CCDC192: variants seen among roughly 807,000 people sequenced by gnomAD.
The protein encoded by CCDC192 is coiled-coil domain containing 192, also known as coiled-coil domain-containing protein 192.
chr5:127,813,049 G>A (rs1758168090), intron 5 of CCDC192, among the ~76,000 whole-genome samples: 1 of 152,136 alleles, frequency 6.6e-6, no homozygotes, highest in South Asian at 2.1e-4. Context: ...CCGTTTCTTT[G>A]ACATCCATTT....
chr5:127,773,679 G>C lies in CCDC192; in HGVS notation c.222+19304G>C, dbSNP rs904818120. On this transcript the variant is annotated intron_variant, in intron 3 of 6. Coordinates refer to ENST00000514853, the MANE Select transcript of CCDC192 (RefSeq NM_001317938.2). The stretch of plus-strand genomic sequence containing the variant: ...ATGCAATTTGTTTATCCACTCATCT[G>C]TTGATGGACATTTGGTTTCCAACTT... Among the ~76,000 whole-genome samples the C allele has an allele frequency of 3.9e-5, 6 of 152,136 alleles. 1 individual carries two copies. Among genetic ancestry groups the C allele is most frequent in the African/African-American group, 1.4e-4 (6 of 41,434 alleles).
intron 6 of CCDC192, among the ~76,000 whole-genome samples, chr5:127,889,482 A>T (rs1228730237): frequency 6.6e-6 from 1 of 150,804 alleles, no homozygotes; most frequent in African/African-American, 2.4e-5. Context: ...GCTCACTGCA[A>T]CCTCTGCCTG....
At chr5:127,733,201 A>G (rs928058923) in intron 2 of CCDC192, among the ~76,000 whole-genome samples, 9 of 152,152 alleles carry the variant, frequency 5.9e-5, no homozygotes, top group African/African-American at 2.2e-4. Context: ...GTATATTCAC[A>G]TAAAGCCAAG....
chr5:127,870,869 G>A (rs1158294254), intron 5 of CCDC192, among the ~76,000 whole-genome samples: 1 of 152,174 alleles, frequency 6.6e-6, no homozygotes, highest in African/African-American at 2.4e-5. Context: ...ATTATTGATT[G>A]GCTATTAGAA....
chr5:127,775,967 C>A (rs545803947), intron 3 of CCDC192, among the ~76,000 whole-genome samples: 2 of 152,296 alleles, frequency 1.3e-5, no homozygotes, highest in South Asian at 4.1e-4. Context: ...AACCTCTTTT[C>A]TTCATAAATT....
At chr5:127,873,880 A>G (rs1324997201) in intron 5 of CCDC192, among the ~76,000 whole-genome samples, 2 of 152,188 alleles carry the variant, frequency 1.3e-5, no homozygotes, top group African/African-American at 2.4e-5. Flanking sequence ...TAAAATGCCA[A>G]CTTAATAATT....
chr5:127,840,788 C>T (rs905653259), intron 5 of CCDC192, among the ~76,000 whole-genome samples: 2 of 152,126 alleles, frequency 1.3e-5, no homozygotes, highest in African/African-American at 2.4e-5. Flanking sequence ...AAAAGCAATA[C>T]GTTTCATCAT....
At chr5:127,899,140 C>A (rs1011640442) in intron 6 of CCDC192, among the ~76,000 whole-genome samples, 4 of 152,164 alleles carry the variant, frequency 2.6e-5, no homozygotes, top group South Asian at 2.1e-4. Flanking sequence ...TTAGGAATTA[C>A]ATCTTTATTT....
intron 6 of CCDC192, among the ~76,000 whole-genome samples, chr5:127,896,022 G>A (rs1371699107): frequency 1.3e-5 from 2 of 152,136 alleles, no homozygotes; most frequent in Non-Finnish European, 2.9e-5. Context: ...CCACTTGGTG[G>A]AATTTAAGTC....
chr5:127,801,994 A>C (rs746083906), intron 5 of CCDC192, among the ~76,000 whole-genome samples: 11 of 152,144 alleles, frequency 7.2e-5, no homozygotes, highest in Non-Finnish European at 1.5e-5. Context: ...GCTGTTTGTG[A>C]CTGGCTGAAA....
chr5:127,712,807 C>T (rs1358548419), intron 2 of CCDC192, among the ~76,000 whole-genome samples: 1 of 152,126 alleles, frequency 6.6e-6, no homozygotes, highest in African/African-American at 2.4e-5. Context: ...GGTAGGTGTA[C>T]TTTTAACTTT....
At chr5:127,744,936 G>A (rs1219159910) in intron 2 of CCDC192, among the ~76,000 whole-genome samples, 1 of 152,138 alleles carries the variant, frequency 6.6e-6, no homozygotes, top group African/African-American at 2.4e-5. Flanking sequence ...CCCTGACCAT[G>A]GCAAGCAGAG....
chr5:127,914,310 A>T (rs143344864), intron 6 of CCDC192, among the ~76,000 whole-genome samples: 1 of 152,218 alleles, frequency 6.6e-6, no homozygotes, highest in Admixed American at 6.5e-5. Context: ...ATAATGTCTT[A>T]TCTGAAGCTT....
chr5:127,904,168 G>T (rs766412109), intron 6 of CCDC192, among the ~76,000 whole-genome samples: 3 of 152,138 alleles, frequency 2.0e-5, no homozygotes, highest in Non-Finnish European at 4.4e-5. Flanking sequence ...AGGGAGCCAC[G>T]AACCAAGAAA....
chr5:127,741,049 T>A (rs182148861), intron 2 of CCDC192, among the ~76,000 whole-genome samples: 18 of 152,294 alleles, frequency 1.2e-4, no homozygotes, highest in Admixed American at 2.0e-4. Flanking sequence ...GATTTTTTTT[T>A]ATTTAGTTGT....
At chr5:127,781,796 G>A (rs547753131) in intron 3 of CCDC192, among the ~76,000 whole-genome samples, 1 of 152,224 alleles carries the variant, frequency 6.6e-6, no homozygotes, top group Non-Finnish European at 1.5e-5. Flanking sequence ...GTGACAGTTT[G>A]ACTCCTCTTT....
chr5:127,918,670 T>C (rs1212383547), intron 6 of CCDC192, among the ~76,000 whole-genome samples: 1 of 152,226 alleles, frequency 6.6e-6, no homozygotes, highest in African/African-American at 2.4e-5. Context: ...TTTATATTGG[T>C]TCATATTTAT....
intron 2 of CCDC192, among the ~76,000 whole-genome samples, chr5:127,737,939 T>C (rs1170421173): frequency 6.6e-6 from 1 of 151,672 alleles, no homozygotes; most frequent in Non-Finnish European, 1.5e-5. Flanking sequence ...CATTTAAAGT[T>C]AATATTGTTA....
At chr5:127,861,554 C>T (rs559970864) in intron 5 of CCDC192, among the ~76,000 whole-genome samples, 2 of 152,028 alleles carry the variant, frequency 1.3e-5, no homozygotes, top group South Asian at 2.1e-4. Context: ...ACTCGGGAGG[C>T]TGAGGCACGA....
Sources: allele counts gnomAD v4.1 joint callset (sites outside exome capture counted in the v4.1 genomes callset), GRCh38; gene constraint gnomAD v4.1.1; transcripts MANE v1.5; gene names NCBI Gene and HGNC (gene_info 2026-07-23, HGNC 2026-07-21).